INSL6: variants seen among roughly 807,000 people sequenced by gnomAD.
INSL6 encodes the protein insulin like 6, also known as insulin-like peptide INSL6.
A neutral mutation model predicts 9.4 loss-of-function variants in INSL6; 16 were observed. That is an observed-to-expected ratio of 1.70 (90% CI 1.15 to 2.59). The LOEUF (loss-of-function observed/expected upper bound fraction) is 2.59, where lower values mean the gene tolerates loss of function less well. INSL6 is among the 30% of genes most tolerant of loss of function. INSL6 has a pLI of 0.00. For synonymous variants in INSL6, 154 were observed against 96.9 expected (o/e 1.59, Z -3.46); for missense variants, 391 against 257.3 (o/e 1.52, Z -3.56).
downstream of INSL6, among the ~76,000 whole-genome samples, chr9:5,122,785 G>C (rs1213237724): frequency 6.6e-6 from 1 of 152,004 alleles, no homozygotes; most frequent in Non-Finnish European, 1.5e-5. Context: ...TCTAGGCATA[G>C]TGAGTCACTC....
the INSL6 span, among the ~76,000 whole-genome samples, chr9:5,000,210 C>T: frequency 6.6e-6 from 1 of 151,830 alleles, no homozygotes; most frequent in Non-Finnish European, 1.5e-5. Context: ...ATTTACCCAT[C>T]TTTTATTTCC....
the INSL6 span, among the ~76,000 whole-genome samples, chr9:5,000,770 T>A: frequency 2.6e-5 from 4 of 152,204 alleles, no homozygotes; most frequent in African/African-American, 9.6e-5. Context: ...ATCTTCTTGT[T>A]TGATATATTT....
intron 2 of INSL6, among the ~76,000 whole-genome samples, chr9:5,140,896 G>T (rs577857173): frequency 6.6e-6 from 1 of 152,004 alleles, no homozygotes; most frequent in African/African-American, 2.4e-5. Flanking sequence ...TGTATGTGTT[G>T]TTCCCCTCTT....
chr9:4,998,802 T>G, the INSL6 span, among the ~76,000 whole-genome samples: 1 of 151,880 alleles, frequency 6.6e-6, no homozygotes, highest in African/African-American at 2.4e-5. Flanking sequence ...GAATAATTTA[T>G]ATTTTCTTCT....
the INSL6 span, chr9:5,070,109 T>C: frequency 7.9e-7 from 1 of 1,273,724 alleles, no homozygotes. Context: ...AACATCTGTT[T>C]TCTTGATTTA....
intron 3 of INSL6, chr9:5,128,002 A>AG (rs1824109348): frequency 8.6e-6 from 2 of 231,668 alleles, no homozygotes; most frequent in Non-Finnish European, 8.5e-6. Flanking sequence ...ATTAAGTATA[A>AG]GGGGTTGTTC....
At chr9:5,181,884 T>C (rs1237937470) in intron 1 of INSL6, among the ~76,000 whole-genome samples, 1 of 152,190 alleles carries the variant, frequency 6.6e-6, no homozygotes. Flanking sequence ...TATAGTGTCA[T>C]TTTACATCTA....
chr9:5,105,078 GAAAT>G, the INSL6 span, among the ~76,000 whole-genome samples: 109 of 152,270 alleles, frequency 7.2e-4, no homozygotes, highest in Non-Finnish European at 1.4e-3. Context: ...GCAAGAGAAA[GAAAT>G]AAAGGGTATT....
the INSL6 span, chr9:5,086,240 C>T: frequency 1.2e-5 from 7 of 585,234 alleles, no homozygotes; most frequent in Non-Finnish European, 1.3e-5. Flanking sequence ...CTGAAAGTCG[C>T]GGTAGGATGG....
At chr9:5,056,002 G>C in the INSL6 span, among the ~76,000 whole-genome samples, 1 of 151,840 alleles carries the variant, frequency 6.6e-6, no homozygotes, top group Non-Finnish European at 1.5e-5. Flanking sequence ...GTACATTACT[G>C]TACTTTTTTT....
chr9:5,139,160 C>G (rs1824441755), intron 2 of INSL6, among the ~76,000 whole-genome samples: 1 of 152,062 alleles, frequency 6.6e-6, no homozygotes, highest in South Asian at 2.1e-4. Flanking sequence ...AGACAATGTG[C>G]TCTTCTTCTT....
At chr9:5,064,947 G>C in the INSL6 span, 1 of 1,605,480 alleles carries the variant, frequency 6.2e-7, no homozygotes, top group Non-Finnish European at 8.5e-7. Flanking sequence ...GGATATTATA[G>C]ATTAACTGCA....
chr9:4,997,843 T>C, the INSL6 span, among the ~76,000 whole-genome samples: 1 of 152,296 alleles, frequency 6.6e-6, no homozygotes, highest in African/African-American at 2.4e-5. Flanking sequence ...ACATAATGCT[T>C]CAGTGTCTGC....
At chr9:5,096,187 C>T in the INSL6 span, among the ~76,000 whole-genome samples, 681 of 152,210 alleles carry the variant, frequency 4.5e-3, 8 homozygotes, top group African/African-American at 0.016. Context: ...AAACACAAAA[C>T]CCATATTACT....
At chr9:5,158,179 A>G (rs1358467333) in intron 2 of INSL6, among the ~76,000 whole-genome samples, 1 of 152,166 alleles carries the variant, frequency 6.6e-6, no homozygotes, top group Non-Finnish European at 1.5e-5. Context: ...AATTAAAAAA[A>G]TAAACCATGC....
intron 3 of INSL6, among the ~76,000 whole-genome samples, chr9:5,130,719 ATTTTTTATTTTT>A (rs1564032851): frequency 2.7e-5 from 4 of 149,402 alleles, no homozygotes; most frequent in South Asian, 2.1e-4. Flanking sequence ...TATTTTTTTT[ATTTTTTATTTTT>A]TTTTTTATTT....
At chr9:5,145,267 G>A (rs77091928) in intron 2 of INSL6, among the ~76,000 whole-genome samples, 1,977 of 151,136 alleles carry the variant, frequency 0.013, 26 homozygotes, top group Middle Eastern at 0.041. Context: ...AATTTCTTAA[G>A]AATGTTTAAT....
At chr9:5,137,410 A>C (rs1419007210) in intron 2 of INSL6, among the ~76,000 whole-genome samples, 2 of 152,208 alleles carry the variant, frequency 1.3e-5, no homozygotes, top group Admixed American at 6.5e-5. Flanking sequence ...TGGTATTGGT[A>C]TCAAAACAGA....
At chr9:5,118,265 C>G in the INSL6 span, among the ~76,000 whole-genome samples, 1 of 152,126 alleles carries the variant, frequency 6.6e-6, no homozygotes, top group African/African-American at 2.4e-5. Flanking sequence ...TGTATCATTC[C>G]TTTTTCTCTT....
Sources: gnomAD v4.1 joint callset for allele counts (sites outside exome capture counted in the v4.1 genomes callset) on GRCh38, gnomAD v4.1.1 for gene constraint, MANE v1.5 for transcripts, NCBI Gene and HGNC (gene_info 2026-07-23, HGNC 2026-07-21) for gene names.